Variants in ARHGAP22 observed in about 807,000 individuals in gnomAD.
ARHGAP22 encodes the protein rho GTPase-activating protein 22.
A neutral mutation model predicts 59.1 loss-of-function variants in ARHGAP22; 48 were observed. That is an observed-to-expected ratio of 0.81 (90% CI 0.64 to 1.03). ARHGAP22 has a LOEUF of 1.03. Among genes scored for constraint, ARHGAP22 ranks in the 50% least tolerant of loss-of-function variants. The pLI is 0.00. For missense variants in ARHGAP22, 1,015 were observed against 958.7 expected (o/e 1.06, Z -0.78); for synonymous variants, 445 against 416.4 (o/e 1.07, Z -0.84).
intron 4 of ARHGAP22, among the ~76,000 whole-genome samples, chr10:48,466,969 G>C (rs2047780312): frequency 6.6e-6 from 1 of 152,206 alleles, no homozygotes; most frequent in South Asian, 2.1e-4. Flanking sequence ...TTAACCCTTC[G>C]CCTGGGAAGC....
At chr10:48,656,015 G>T (rs907292801), upstream of ARHGAP22, 2 of 152,166 alleles carry the variant, frequency 1.3e-5, no homozygotes, top group Admixed American at 1.3e-4. Context: ...GAGCGGGCGG[G>T]GCTGCTCACC....
chr10:48,567,517 T>C (rs543629802), intron 2 of ARHGAP22, among the ~76,000 whole-genome samples: 1 of 152,296 alleles, frequency 6.6e-6, no homozygotes, highest in Admixed American at 6.5e-5. Context: ...AGTGTTTAGC[T>C]TGCCCTGGGA....
At chr10:48,563,618 G>A (rs531370286) in intron 2 of ARHGAP22, among the ~76,000 whole-genome samples, 12 of 152,176 alleles carry the variant, frequency 7.9e-5, no homozygotes, top group South Asian at 2.1e-4. Context: ...CATATCTTTC[G>A]GGGAGCCATT....
chr10:48,585,209 T>C (rs568058003), intron 1 of ARHGAP22, among the ~76,000 whole-genome samples: 129 of 152,284 alleles, frequency 8.5e-4, no homozygotes, highest in African/African-American at 3.0e-3. Flanking sequence ...AGTAGCCATA[T>C]GTTTCAAAGA....
At chr10:48,598,838 A>G (rs1234125222) in intron 1 of ARHGAP22, among the ~76,000 whole-genome samples, 1 of 152,132 alleles carries the variant, frequency 6.6e-6, no homozygotes, top group Non-Finnish European at 1.5e-5. Context: ...AGAGGCTTTC[A>G]CAACCTGGGG....
intron 3 of ARHGAP22, among the ~76,000 whole-genome samples, chr10:48,539,728 T>C (rs1214277878): frequency 6.6e-6 from 1 of 152,250 alleles, no homozygotes. Context: ...ATAGAAAATA[T>C]TGATAATCAG....
intron 3 of ARHGAP22, among the ~76,000 whole-genome samples, chr10:48,517,287 T>C (rs942718820): frequency 6.6e-6 from 1 of 151,756 alleles, no homozygotes; most frequent in African/African-American, 2.4e-5. Flanking sequence ...TTTAAAAGAG[T>C]CCAGTGATAG....
intron 3 of ARHGAP22, among the ~76,000 whole-genome samples, chr10:48,518,720 C>T (rs1009626964): frequency 2.0e-5 from 3 of 152,188 alleles, no homozygotes; most frequent in Non-Finnish European, 4.4e-5. Flanking sequence ...GTGACCTGCA[C>T]AGGCCACACT....
At chr10:48,654,942 T>C (rs975400587), upstream of ARHGAP22, among the ~76,000 whole-genome samples, 8 of 105,280 alleles carry the variant, frequency 7.6e-5, no homozygotes, top group African/African-American at 2.3e-4. Flanking sequence ...TCTCTCTCTC[T>C]TTCTTTCTCT....
chr10:48,544,099 G>T (rs1203658379), intron 3 of ARHGAP22, among the ~76,000 whole-genome samples: 11 of 152,050 alleles, frequency 7.2e-5, no homozygotes, highest in Non-Finnish European at 1.6e-4. Context: ...CTCCGGCCTG[G>T]GTGACAGAAC....
chr10:48,507,812 C>T (rs752877926), intron 3 of ARHGAP22, among the ~76,000 whole-genome samples: 10 of 151,384 alleles, frequency 6.6e-5, no homozygotes, highest in Non-Finnish European at 1.2e-4. Flanking sequence ...CTTTGTAATT[C>T]GCTTAAGGAT....
At chr10:48,492,883 A>G (rs1209774673) in intron 3 of ARHGAP22, among the ~76,000 whole-genome samples, 2 of 152,252 alleles carry the variant, frequency 1.3e-5, no homozygotes, top group African/African-American at 2.4e-5. Context: ...AACAGCAATT[A>G]CTTTTGCACC....
At chr10:48,556,684 A>C (rs2057331378) in intron 2 of ARHGAP22, 1 of 152,226 alleles carries the variant, frequency 6.6e-6, no homozygotes, top group Non-Finnish European at 1.5e-5. Flanking sequence ...GCATCAAATG[A>C]ATTAGTACTT....
intron 1 of ARHGAP22, 103 bp from the exon 2 acceptor site, chr10:48,583,255 G>C: frequency 7.4e-7 from 1 of 1,356,210 alleles, no homozygotes; most frequent in Non-Finnish European, 1.0e-6. Context: ...AGGCATGGGA[G>C]CCCAGGCCAG....
intron 3 of ARHGAP22, among the ~76,000 whole-genome samples, chr10:48,555,129 G>T (rs867811634): frequency 1.3e-5 from 2 of 152,268 alleles, no homozygotes; most frequent in African/African-American, 4.8e-5. Flanking sequence ...CTTGATCTGT[G>T]CTAGTGTTTT....
intron 3 of ARHGAP22, among the ~76,000 whole-genome samples, chr10:48,552,984 T>C (rs2057016232): frequency 6.6e-6 from 1 of 152,166 alleles, no homozygotes. Flanking sequence ...TGGCCTGACA[T>C]CTTCATGGGC....
chr10:48,540,913 T>C (rs1410562766), intron 3 of ARHGAP22, among the ~76,000 whole-genome samples: 1 of 151,904 alleles, frequency 6.6e-6, no homozygotes, highest in Non-Finnish European at 1.5e-5. Context: ...AGGGAGGGGA[T>C]CACATCTCAG....
At chr10:48,491,710 C>G (rs1437516595) in intron 3 of ARHGAP22, among the ~76,000 whole-genome samples, 1 of 152,258 alleles carries the variant, frequency 6.6e-6, no homozygotes, top group Non-Finnish European at 1.5e-5. Flanking sequence ...GCGGGCATGA[C>G]ACTCACAGAC....
upstream of ARHGAP22, among the ~76,000 whole-genome samples, chr10:48,609,607 C>G (rs138812635): frequency 6.6e-6 from 1 of 152,118 alleles, no homozygotes; most frequent in African/African-American, 2.4e-5. Context: ...TTACTATAGC[C>G]GACATTCTCA....
Sources: gnomAD v4.1 joint callset for allele counts (sites outside exome capture counted in the v4.1 genomes callset) on GRCh38, gnomAD v4.1.1 for gene constraint, MANE v1.5 for transcripts, NCBI Gene and HGNC (gene_info 2026-07-23, HGNC 2026-07-21) for gene names.